The following ZMYND11 variants were observed in gnomAD, a reference collection of about 807,000 sequenced individuals.
The protein encoded by ZMYND11 is zinc finger MYND-type containing 11.
In ZMYND11, 9 loss-of-function variants were observed where a neutral mutation model predicts 84.9. The ratio of observed to expected loss-of-function variants is 0.11; its 90% CI spans 0.06 to 0.18. The LOEUF (loss-of-function observed/expected upper bound fraction) is 0.18. Among genes scored for constraint, ZMYND11 ranks in the 10% least tolerant of loss-of-function variants. The probability of loss-of-function intolerance (pLI) is 1.00; values close to 1 mark genes in which losing one functional copy is unlikely to be tolerated. For missense variants in ZMYND11, 409 were observed against 761.0 expected (o/e 0.54, Z 5.44); for synonymous variants, 250 against 244.1 (o/e 1.02, Z -0.23).
intron 1 of ZMYND11, among the ~76,000 whole-genome samples, chr10:136,452 G>A (rs1836090093): frequency 6.6e-6 from 1 of 152,134 alleles, no homozygotes; most frequent in Non-Finnish European, 1.5e-5. Flanking sequence ...TATATGGTGT[G>A]TACTCTGTGT....
At chr10:147,761 C>T (rs1417753005) in intron 1 of ZMYND11, 2 of 151,558 alleles carry the variant, frequency 1.3e-5, no homozygotes, top group Non-Finnish European at 2.9e-5. Flanking sequence ...TTGATATTCC[C>T]TGATGGTCAC....
chr10:222,468 G>A (rs2448384), intron 4 of ZMYND11, among the ~76,000 whole-genome samples: 98,100 of 152,016 alleles, frequency 0.65, 31,846 homozygotes, highest in East Asian at 0.83. Flanking sequence ...AGTTCCCTAA[G>A]TCTGAGTAAA....
At chr10:159,240 T>G (rs1297925728) in intron 1 of ZMYND11, among the ~76,000 whole-genome samples, 1 of 151,970 alleles carries the variant, frequency 6.6e-6, no homozygotes, top group African/African-American at 2.4e-5. Context: ...TATGTATACA[T>G]CATTTTGTGA....
intron 2 of ZMYND11, among the ~76,000 whole-genome samples, chr10:186,914 TC>T (rs771256612): frequency 6.6e-6 from 1 of 152,098 alleles, no homozygotes; most frequent in Non-Finnish European, 1.5e-5. Context: ...AGTCTTTTTT[TC>T]CCCACATTCT....
chr10:230,091 A>G (rs1336748527), intron 4 of ZMYND11, among the ~76,000 whole-genome samples: 4 of 152,132 alleles, frequency 2.6e-5, no homozygotes, highest in Non-Finnish European at 5.9e-5. Flanking sequence ...AATCCCTAAA[A>G]CGATATAAGT....
intron 4 of ZMYND11, among the ~76,000 whole-genome samples, chr10:228,541 T>TGAGAGG (rs1948494928): frequency 6.6e-6 from 1 of 152,192 alleles, no homozygotes; most frequent in South Asian, 2.1e-4. Context: ...GCAGAAGCGA[T>TGAGAGG]GAGAGGGAGT....
intron 2 of ZMYND11, among the ~76,000 whole-genome samples, chr10:181,691 A>G (rs868721659): frequency 6.6e-6 from 1 of 152,158 alleles, no homozygotes; most frequent in African/African-American, 2.4e-5. Flanking sequence ...GGGTGAGGAT[A>G]TATGTGGCTC....
At chr10:221,890 A>G (rs1483411706) in intron 4 of ZMYND11, among the ~76,000 whole-genome samples, 1 of 151,998 alleles carries the variant, frequency 6.6e-6, no homozygotes, top group Non-Finnish European at 1.5e-5. Flanking sequence ...TTATTTTTTT[A>G]AAGTAAAATG....
intron 2 of ZMYND11, among the ~76,000 whole-genome samples, chr10:206,431 A>C (rs184266309): frequency 6.6e-6 from 1 of 152,308 alleles, no homozygotes; most frequent in African/African-American, 2.4e-5. Context: ...TTTTTTGTCC[A>C]GTTGACTTTT....
chr10:215,998 C>T (rs952127692), intron 3 of ZMYND11, among the ~76,000 whole-genome samples: 1 of 152,152 alleles, frequency 6.6e-6, no homozygotes, highest in Admixed American at 6.5e-5. Context: ...GATAAACAAG[C>T]TTAAATCTTA....
intron 2 of ZMYND11, among the ~76,000 whole-genome samples, chr10:191,760 G>T (rs1940469496): frequency 6.6e-6 from 1 of 152,182 alleles, no homozygotes; most frequent in Admixed American, 6.5e-5. Context: ...ATTCAAATCA[G>T]ATACTCATTT....
At chr10:231,906 T>A (rs1262781612) in intron 4 of ZMYND11, among the ~76,000 whole-genome samples, 2 of 152,222 alleles carry the variant, frequency 1.3e-5, no homozygotes, top group Non-Finnish European at 2.9e-5. Flanking sequence ...AATGTTTCTT[T>A]CTTGATGATT....
At chr10:193,740 T>C (rs1426818163) in intron 2 of ZMYND11, among the ~76,000 whole-genome samples, 1 of 152,362 alleles carries the variant, frequency 6.6e-6, no homozygotes, top group East Asian at 1.9e-4. Flanking sequence ...TCCTTTGTAC[T>C]GCCTTCTGCT....
At chr10:209,015 G>GTGTGTATATATATATGTA (rs1564384717) in intron 2 of ZMYND11, among the ~76,000 whole-genome samples, 4 of 151,966 alleles carry the variant, frequency 2.6e-5, no homozygotes, top group African/African-American at 7.3e-5. Flanking sequence ...GTGTGTGTGT[G>GTGTGTATATATATATGTA]TGTGTATATA....
chr10:241,948 G>C, intron 9 of ZMYND11, 73 bp from the exon 10 acceptor site: 1 of 1,535,584 alleles, frequency 6.5e-7, no homozygotes, highest in Non-Finnish European at 8.9e-7. Context: ...TATGTGACTA[G>C]TTTAATATTA....
At chr10:236,947 T>C (rs375797181) in intron 5 of ZMYND11, 32 bp downstream of exon 5, 19 of 1,583,336 alleles carry the variant, frequency 1.2e-5, no homozygotes, top group Non-Finnish European at 1.6e-5. Context: ...TTTCAAAATA[T>C]CCCAAAACAC....
In ZMYND11 at chr10:246,915, A is replaced by T; in HGVS notation, c.1100A>T (p.Asn367Ile). The change falls in exon 11 of 15, where the codon AAT (asparagine) becomes ATT (isoleucine). Residue 367 changes from asparagine to isoleucine, a missense_variant. By Grantham distance (149) the Asn-to-Ile change is moderately radical (BLOSUM62 -3). This residue lies in a region of ZMYND11 where 48 missense variants were observed against 61.1 expected (regional missense o/e 0.79). Transcript: ENST00000381604. ...GAAGGGAGATTTTGGAAATCTAAGA[A>T]TGAGGACCGAGGTGAGGAAGAGGCA... Reference protein sequence around the residue: ...LREGRFWKSKNEDRGEEEAES... With the variant: ...LREGRFWKSKIEDRGEEEAES... The T allele has an allele frequency of 1.2e-6, 2 of 1,613,188 alleles. No homozygotes were observed. The highest frequency in any genetic ancestry group is 2.2e-5 in the South Asian group (2 of 90,722).
In ZMYND11 at chr10:247,923, C is replaced by T. The variant is rs116531567; in HGVS notation, c.1228-413C>T. 4.7e-3 allele frequency among the ~76,000 whole-genome samples: 715 copies of T among 152,292 alleles called. 5 individuals carry two copies. Among genetic ancestry groups the T allele is most frequent in the African/African-American group, 0.016 (679 of 41,564 alleles). Reference sequence around the variant, plus strand: ...ACTGTAAATCTGGGCACATTTCAAACACATATTCAGTGAGAAGTGGTTTAG... The same window carrying T: ...ACTGTAAATCTGGGCACATTTCAAATACATATTCAGTGAGAAGTGGTTTAG... On this transcript the variant is annotated intron_variant, in intron 12 of 14. Coordinates refer to ENST00000381604, the MANE Select transcript of ZMYND11 (RefSeq NM_001370100.5).
chr10:154,206 A>G (rs1321986952), intron 1 of ZMYND11, among the ~76,000 whole-genome samples: 1 of 152,150 alleles, frequency 6.6e-6, no homozygotes, highest in East Asian at 1.9e-4. Context: ...TTCTGGATAT[A>G]TCATATTGTT....
Sources: gnomAD v4.1 joint callset for allele counts (sites outside exome capture counted in the v4.1 genomes callset) on GRCh38, gnomAD v4.1.1 for gene constraint, gnomAD v4.1.1 regional missense constraint, MANE v1.5 for transcripts, NCBI Gene and HGNC (gene_info 2026-07-23, HGNC 2026-07-21) for gene names.